The following COQ8A variants were observed in gnomAD, a reference collection of about 807,000 sequenced individuals.
COQ8A encodes the protein atypical kinase COQ8A, mitochondrial.
Under a neutral mutation model 65.0 loss-of-function variants are expected in COQ8A, and 51 were observed. That is an observed-to-expected ratio of 0.78 (90% CI 0.63 to 0.99). COQ8A has a LOEUF of 0.99. COQ8A is among the 50% of genes least tolerant of loss of function. The pLI, the probability that COQ8A is intolerant of heterozygous loss-of-function variation, is 0.00. For missense variants in COQ8A, 940 were observed against 875.0 expected (o/e 1.07, Z -0.94); for synonymous variants, 371 against 353.2 (o/e 1.05, Z -0.57).
Position 226,982,111 on chromosome 1 carries a change from G to A in COQ8A, c.815G>A (p.Gly272Asp), listed in dbSNP as rs119468006. ...GTGCGCACGCTCTGCAAGGTGCGTG[G>A]TGCGGCACTCAAGCTGGGCCAGATG... Reference protein sequence around the residue: ...RIVRTLCKVRGAALKLGQMLS... With the variant: ...RIVRTLCKVRDAALKLGQMLS... Residue 272 changes from glycine to aspartate, a missense_variant, in exon 6 of 15, where the codon GGT (glycine) becomes GAT (aspartate). Gly to Asp is a moderately conservative substitution (Grantham distance 94, BLOSUM62 -1). Transcript: ENST00000366777. 2 of 1,609,380 alleles carry A rather than the reference G, an allele frequency of 1.2e-6. No individual in the cohort carries two copies. Among genetic ancestry groups the A allele is most frequent in the Non-Finnish European group, 1.7e-6 (2 of 1,178,616 alleles).
chr1:226,976,654 C>T (rs1659254893), intron 4 of COQ8A, among the ~76,000 whole-genome samples: 2 of 152,200 alleles, frequency 1.3e-5, no homozygotes, highest in Admixed American at 6.5e-5. Context: ...GCATTAGTGG[C>T]ACCTTCTGGG....
intron 1 of COQ8A, among the ~76,000 whole-genome samples, chr1:226,954,750 A>G (rs900134459): frequency 2.6e-5 from 4 of 152,216 alleles, no homozygotes; most frequent in African/African-American, 9.6e-5. Flanking sequence ...AATCCTGAGC[A>G]TGGTGTTCGG....
chr1:226,944,639 G>T (rs1194430960), intron 1 of COQ8A, among the ~76,000 whole-genome samples: 2 of 149,240 alleles, frequency 1.3e-5, no homozygotes. Context: ...AGGGCCAGGG[G>T]TGGGGGCTTG....
chr1:226,986,481 T>C lies in COQ8A; in HGVS notation c.1688T>C (p.Ile563Thr). 1 of 1,613,282 alleles carries C rather than the reference T, an allele frequency of 6.2e-7. No individual in the cohort carries two copies. The highest frequency in any genetic ancestry group is 8.5e-7 in the Non-Finnish European group (1 of 1,179,994). Reference protein sequence around the residue: ...KVMEDAHLDAILILGEAFASD... With the variant: ...KVMEDAHLDATLILGEAFASD... Reference sequence around the variant, plus strand: ...ATGGAAGACGCCCACTTGGATGCCATCCTCATCCTGGGGGAGGCCTTCGCC... The same window carrying C: ...ATGGAAGACGCCCACTTGGATGCCACCCTCATCCTGGGGGAGGCCTTCGCC... The change falls in exon 15 of 15, where the codon ATC becomes ACC. Residue 563 changes from isoleucine (I) to threonine (T), a missense_variant. Transcript: ENST00000366777.
chr1:226,960,542 TTGG>T (rs1401460776), intron 1 of COQ8A, among the ~76,000 whole-genome samples: 2 of 141,258 alleles, frequency 1.4e-5, no homozygotes, highest in African/African-American at 5.5e-5. Flanking sequence ...GTGGTTGTAC[TTGG>T]TGGTGGTGTC....
chr1:226,982,454 G>A (rs1042020800), intron 6 of COQ8A: 3 of 652,000 alleles, frequency 4.6e-6, no homozygotes, highest in African/African-American at 3.7e-5. Context: ...TCTGCATGTT[G>A]AGTGTAAAAA....
intron 1 of COQ8A, among the ~76,000 whole-genome samples, chr1:226,945,889 A>G (rs1657011212): frequency 6.6e-6 from 1 of 152,148 alleles, no homozygotes; most frequent in African/African-American, 2.4e-5. Context: ...CTGGCTTGGA[A>G]ACTCATCTGG....
In COQ8A at chr1:226,946,276, A is replaced by G. The variant is rs1223579008; in HGVS notation, c.-10+5877A>G. On this transcript the variant is annotated intron_variant, in intron 1 of 14. Transcript: ENST00000366777. This position sits in a 1 kb window ranked among gnomAD's most constrained non-coding sequence, Gnocchi z 5.3. ...GAGATGAGGGAGTTTAGAGGAAAGG[A>G]GATGACTTGCCTATGGAGGGGTTTA... 6.6e-6 allele frequency among the ~76,000 whole-genome samples: 1 copy of G among 152,096 alleles called. No individual in the cohort carries two copies. The highest frequency in any genetic ancestry group is 1.5e-5 in the Non-Finnish European group (1 of 68,024).
At chr1:226,941,423 G>C (rs1365346589) in intron 1 of COQ8A, among the ~76,000 whole-genome samples, 1 of 152,188 alleles carries the variant, frequency 6.6e-6, no homozygotes, top group Non-Finnish European at 1.5e-5. Flanking sequence ...TTTGGAGGAA[G>C]GCCTTTCTCC....
In COQ8A at chr1:226,978,485, C is replaced by T. The variant is rs150297231; in HGVS notation, c.730+962C>T. On this transcript the variant is annotated intron_variant, in intron 5 of 14. Transcript: ENST00000366777. ...TCCACACCCACCAAATACCTGCACA[C>T]CTCCTTACACATCCTCCACACACCC... Among the ~76,000 whole-genome samples the T allele has an allele frequency of 4.4e-3, 648 of 148,038 alleles. 4 individuals carry two copies. The highest frequency in any genetic ancestry group is 0.015 in the African/African-American group (584 of 39,734).
chr1:226,966,855 C>A (rs1012975422), intron 4 of COQ8A, among the ~76,000 whole-genome samples: 1 of 152,068 alleles, frequency 6.6e-6, no homozygotes, highest in Non-Finnish European at 1.5e-5. Flanking sequence ...ATTCTGGGAG[C>A]TGCGTAATGT....
At chr1:226,982,351 G>C in intron 6 of COQ8A, 2 of 780,070 alleles carry the variant, frequency 2.6e-6, no homozygotes, top group Non-Finnish European at 4.0e-6. Flanking sequence ...GAGCAGAGAG[G>C]AAAAATTGCT....
In COQ8A at chr1:226,983,872, G is replaced by A. The variant is rs764547662; in HGVS notation, c.1256+18G>A. ...AAGTTCAGGTGTGGCCCCCGGCCGG[G>A]CCCCTTGCGTGTTTGCACCAGGGAG... On this transcript the variant is annotated intron_variant, in intron 10 of 14. Transcript: ENST00000366777. 1.9e-6 allele frequency: 3 copies of A among 1,586,574 alleles called. No homozygotes were observed. Among genetic ancestry groups the A allele is most frequent in the South Asian group, 2.2e-5 (2 of 90,222 alleles).
At chr1:226,985,552 G>A (rs1660050688) in intron 14 of COQ8A, among the ~76,000 whole-genome samples, 1 of 152,202 alleles carries the variant, frequency 6.6e-6, no homozygotes, top group Non-Finnish European at 1.5e-5. Context: ...TTGGGGACTT[G>A]TCGTGAAGCT....
chr1:226,942,141 CA>C lies in COQ8A; in HGVS notation c.-10+1746del, dbSNP rs573311284. ...ACATTGCCACGTGTCCCCTGGAGGG[CA>C]AAATCTCCCTTGATTGAGAACCACT... On this transcript the variant is annotated intron_variant, in intron 1 of 14. Coordinates refer to ENST00000366777, the MANE Select transcript of COQ8A (RefSeq NM_020247.5). Among the ~76,000 whole-genome samples the C allele has an allele frequency of 5.9e-5, 9 of 152,134 alleles. No individual in the cohort carries two copies. In the South Asian group the frequency reaches 1.9e-3, roughly 32 times the overall value.
At chr1:226,964,951 G>A (rs760888507) in intron 2 of COQ8A, 49 bp from the exon 3 acceptor site, 1 of 1,606,104 alleles carries the variant, frequency 6.2e-7, no homozygotes, top group South Asian at 1.1e-5. Context: ...GCAGGGAGGA[G>A]CTCCTGGCTC....
chr1:226,984,033 G>GTTT (rs1269763964), intron 10 of COQ8A, 61 bp from the exon 11 acceptor site: 1 of 1,473,754 alleles, frequency 6.8e-7, no homozygotes, highest in Admixed American at 1.8e-5. Flanking sequence ...GGGGGTGTGT[G>GTTT]TGGGGGGGGG....
intron 5 of COQ8A, among the ~76,000 whole-genome samples, chr1:226,979,609 A>G (rs2148117375): frequency 6.6e-6 from 1 of 152,142 alleles, no homozygotes; most frequent in African/African-American, 2.4e-5. Flanking sequence ...GTGTCTGGCC[A>G]CACTGCAGCC....
At chr1:226,964,977 A>G (rs763998710) in intron 2 of COQ8A, 23 bp from the exon 3 acceptor site, 35 of 1,613,146 alleles carry the variant, frequency 2.2e-5, no homozygotes, top group Admixed American at 3.3e-5. Flanking sequence ...TGCTCTCCTA[A>G]TGCTGGCCTT....
Sources: allele counts gnomAD v4.1 joint callset (sites outside exome capture counted in the v4.1 genomes callset), GRCh38; gene constraint gnomAD v4.1.1; non-coding constraint Gnocchi (gnomAD v3.1); transcripts MANE v1.5; gene names NCBI Gene and HGNC (gene_info 2026-07-23, HGNC 2026-07-21).